Variants in GBP2 observed in about 807,000 individuals in gnomAD.
GBP2 encodes guanylate-binding protein 2.
In GBP2, 54 loss-of-function variants were observed where a neutral mutation model predicts 60.8. The observed-to-expected ratio is 0.89, with a 90% confidence interval of 0.71 to 1.11. GBP2 has a LOEUF of 1.11. Among genes scored for constraint, GBP2 ranks in the 50% most tolerant of loss-of-function variants. GBP2 has a pLI of 0.00. For missense variants in GBP2, 665 were observed against 703.3 expected (o/e 0.95, Z 0.62); for synonymous variants, 243 against 256.5 (o/e 0.95, Z 0.50).
chr1:89,112,920 G>T, intron 7 of GBP2: 1 of 551,934 alleles, frequency 1.8e-6, no homozygotes, highest in Non-Finnish European at 3.2e-6. Flanking sequence ...CTGTTTCAGA[G>T]AATGATTCTC....
chr1:89,110,694 T>TA (rs1570316276), intron 8 of GBP2, among the ~76,000 whole-genome samples: 1 of 152,114 alleles, frequency 6.6e-6, no homozygotes, highest in East Asian at 1.9e-4. Context: ...ATAAGAATGA[T>TA]ACAGTGGACT....
intron 8 of GBP2, among the ~76,000 whole-genome samples, chr1:89,111,206 G>A (rs1681158186): frequency 6.6e-6 from 1 of 152,092 alleles, no homozygotes; most frequent in Admixed American, 6.6e-5. Context: ...CATACTGAAT[G>A]GGAAGAACAA....
chr1:89,108,457 ATGT>A (rs1352707715), intron 10 of GBP2, among the ~76,000 whole-genome samples, 166 bp from the exon 11 acceptor site: 8 of 152,160 alleles, frequency 5.3e-5, no homozygotes, highest in Admixed American at 6.5e-5. Context: ...AGCTTCAAAA[ATGT>A]TGTTGTTCTA....
chr1:89,122,520 T>C (rs1017866684), intron 1 of GBP2, among the ~76,000 whole-genome samples: 2 of 152,242 alleles, frequency 1.3e-5, no homozygotes, highest in Admixed American at 6.5e-5. Context: ...TTTTGATGTT[T>C]CCTTATTATT....
intron 1 of GBP2, 135 bp from the exon 2 acceptor site, chr1:89,122,118 C>T: frequency 1.9e-6 from 1 of 527,478 alleles, no homozygotes; most frequent in Non-Finnish European, 3.2e-6. Context: ...AGCCTGGTTT[C>T]TCTTTAAGGC....
At position 89,117,041 on chromosome 1, in the gene GBP2, G is replaced by A. The variant is rs1415245507; in HGVS notation, c.819C>T (p.Ser273=). The change falls in exon 6 of 11, where the codon AGC becomes AGT. Residue 273 remains serine, a synonymous_variant. Coordinates refer to ENST00000370466, the MANE Select transcript of GBP2 (RefSeq NM_004120.5). ...CTGAAAGAGTCTTGACATTGGAATG[G>A]CTGAGGATGTAGGAACAAAATTCTG... ...QVAEFCSYIL[S]HSNVKTLSGG... 1 of 1,613,998 alleles carries A rather than the reference G, an allele frequency of 6.2e-7. No homozygotes were observed. The highest frequency in any genetic ancestry group is 8.5e-7 in the Non-Finnish European group (1 of 1,179,914).
chr1:89,111,866 T>C (rs2100612431), intron 8 of GBP2, among the ~76,000 whole-genome samples: 1 of 152,340 alleles, frequency 6.6e-6, no homozygotes, highest in South Asian at 2.1e-4. Flanking sequence ...TTTTCAATGA[T>C]GTGATTATTG....
intron 1 of GBP2, 80 bp downstream of exon 1, chr1:89,125,783 C>A (rs529934815): frequency 4.6e-5 from 7 of 152,206 alleles, no homozygotes; most frequent in African/African-American, 1.7e-4. Flanking sequence ...GGCTCAGCTG[C>A]GGCCTGTTGT....
Position 89,107,039 on chromosome 1 carries a change from C to T in GBP2, c.*1136G>A, listed in dbSNP as rs1681071330. On this transcript the variant is annotated 3_prime_UTR_variant, in exon 11 of 11. Coordinates refer to ENST00000370466, the MANE Select transcript of GBP2 (RefSeq NM_004120.5). ...GTATGGCTCCCTCACAATTCTGGAGCATCGGTGTGCAACCTAATGGTATTA... is the reference window on the plus strand; with the variant it reads ...GTATGGCTCCCTCACAATTCTGGAGTATCGGTGTGCAACCTAATGGTATTA... The T allele has an allele frequency of 6.6e-6, 1 of 152,132 alleles. No individual in the cohort carries two copies. Among genetic ancestry groups the T allele is most frequent in the South Asian group, 2.1e-4 (1 of 4,826 alleles). 9.4% of individuals were successfully genotyped at this position (152,132 alleles called of 1,614,324 possible).
At chr1:89,115,792 G>T (rs1318437170) in intron 6 of GBP2, among the ~76,000 whole-genome samples, 2 of 152,024 alleles carry the variant, frequency 1.3e-5, no homozygotes, top group African/African-American at 2.4e-5. Flanking sequence ...ATAATGATGA[G>T]GTCTTGCTAC....
At chr1:89,116,661 A>G (rs1482539074) in intron 6 of GBP2, among the ~76,000 whole-genome samples, 2 of 152,172 alleles carry the variant, frequency 1.3e-5, no homozygotes, top group Non-Finnish European at 2.9e-5. Context: ...TCTCACTTAC[A>G]TATAGTATTT....
Position 89,109,843 on chromosome 1 carries a change from T to G in GBP2, c.1493A>C (p.Glu498Ala), listed in dbSNP as rs1309037697. ...TTCCTCCAACATTTTCTTTGCAGCT[T>G]CTGCAGATTCAGCCTTTATACGTTC... is the stretch of plus-strand genomic sequence containing the variant. ...EVERIKAESA[E>A]AAKKMLEEIQ... Residue 498 changes from glutamate to alanine, a missense_variant, in exon 10 of 11, where the codon GAA becomes GCA. Physicochemically the swap from Glu to Ala is moderately radical, Grantham distance 107. Coordinates refer to ENST00000370466, the MANE Select transcript of GBP2 (RefSeq NM_004120.5). The G allele has an allele frequency of 6.2e-7, 1 of 1,613,700 alleles. No individual in the cohort carries two copies. Among genetic ancestry groups the G allele is most frequent in the East Asian group, 2.2e-5 (1 of 44,880 alleles).
At chr1:89,119,667 G>A (rs1681356527) in intron 4 of GBP2, 1 of 152,316 alleles carries the variant, frequency 6.6e-6, no homozygotes, top group Admixed American at 6.5e-5. Flanking sequence ...TCTTTTTAAT[G>A]GTAAAGGAAT....
Position 89,117,081 on chromosome 1 carries a change from A to G in GBP2, c.779T>C (p.Phe260Ser). The change falls in exon 6 of 11, where the codon TTC (phenylalanine) becomes TCC (serine). Residue 260 changes from phenylalanine (F) to serine (S), a missense_variant. Coordinates refer to ENST00000370466, the MANE Select transcript of GBP2 (RefSeq NM_004120.5). ...ACAAAATTCTGCAACTTGTTCTATGAAATCAGGGTTCAGCTCTTCCTCCTT... is the reference window on the plus strand; with the variant it reads ...ACAAAATTCTGCAACTTGTTCTATGGAATCAGGGTTCAGCTCTTCCTCCTT... ...QLKEEELNPD[F>S]IEQVAEFCSY... is the part of the protein sequence containing the mutation. 6.2e-7 allele frequency: 1 copy of G among 1,614,140 alleles called. No individual in the cohort carries two copies. Among genetic ancestry groups the G allele is most frequent in the South Asian group, 1.1e-5 (1 of 91,080 alleles).
intron 7 of GBP2, chr1:89,113,085 G>A (rs1681196367): frequency 8.9e-6 from 2 of 224,990 alleles, no homozygotes; most frequent in Non-Finnish European, 1.8e-5. Context: ...GTGAACTGAG[G>A]ATTCCTTGTC....
At chr1:89,116,062 G>C (rs2100615511) in intron 6 of GBP2, among the ~76,000 whole-genome samples, 1 of 151,820 alleles carries the variant, frequency 6.6e-6, no homozygotes, top group South Asian at 2.1e-4. Flanking sequence ...TCCCAGGCTG[G>C]AGTGCGGTGG....
At chr1:89,108,994 C>G (rs1488213228) in intron 10 of GBP2, among the ~76,000 whole-genome samples, 1 of 151,750 alleles carries the variant, frequency 6.6e-6, no homozygotes, top group Admixed American at 6.6e-5. Flanking sequence ...CTCCCAGGTT[C>G]AAGCGATTCT....
intron 6 of GBP2, among the ~76,000 whole-genome samples, chr1:89,116,703 C>T (rs1557440620): frequency 6.6e-6 from 1 of 151,928 alleles, no homozygotes; most frequent in South Asian, 2.1e-4. Flanking sequence ...TATATATATC[C>T]TGGATGTTTA....
At chr1:89,124,689 C>A (rs1681481281) in intron 1 of GBP2, among the ~76,000 whole-genome samples, 2 of 152,262 alleles carry the variant, frequency 1.3e-5, no homozygotes, top group South Asian at 4.1e-4. Context: ...TGCAGGAAGC[C>A]CTTTGAGCTA....
Sources: allele counts gnomAD v4.1 joint callset (sites outside exome capture counted in the v4.1 genomes callset), GRCh38; gene constraint gnomAD v4.1.1; transcripts MANE v1.5; gene names NCBI Gene and HGNC (gene_info 2026-07-23, HGNC 2026-07-21).